The following THEMIS variants were observed in gnomAD, a reference collection of about 807,000 sequenced individuals.
THEMIS encodes the protein thymocyte selection associated.
THEMIS carries 37 observed loss-of-function variants against 52.6 expected under a neutral mutation model. The observed-to-expected ratio is 0.70, with a 90% CI of 0.54 to 0.93. The LOEUF is 0.93. Ranked by LOEUF, THEMIS falls within the 40% of genes least tolerant of loss-of-function variation. The pLI, the probability that THEMIS is intolerant of heterozygous loss-of-function variation, is 0.00. For synonymous variants in THEMIS, 292 were observed against 272.7 expected (o/e 1.07, Z -0.70); for missense variants, 808 against 763.1 (o/e 1.06, Z -0.69).
the THEMIS span, among the ~76,000 whole-genome samples, chr6:127,697,232 A>T: frequency 8.0e-4 from 122 of 152,308 alleles, 1 homozygote; most frequent in East Asian, 0.022. Flanking sequence ...AAATTCTTCA[A>T]GTCATCCTTG....
At chr6:127,898,840 C>T (rs951111719) in intron 1 of THEMIS, among the ~76,000 whole-genome samples, 1 of 151,744 alleles carries the variant, frequency 6.6e-6, no homozygotes, top group Non-Finnish European at 1.5e-5. Flanking sequence ...AACTGAAGGA[C>T]ATTAGGTTAA....
chr6:127,912,361 A>C (rs944880092), intron 1 of THEMIS, among the ~76,000 whole-genome samples: 2 of 152,134 alleles, frequency 1.3e-5, no homozygotes, highest in Admixed American at 6.6e-5. Context: ...GATGAGGCCG[A>C]AACTGCTATT....
chr6:127,873,595 TTAAAA>T (rs1349418787), intron 1 of THEMIS, among the ~76,000 whole-genome samples: 1 of 152,122 alleles, frequency 6.6e-6, no homozygotes, highest in African/African-American at 2.4e-5. Context: ...ATCCATAAAA[TTAAAA>T]TAATTAACCT....
chr6:127,791,472 G>A (rs1209414999), intron 4 of THEMIS, among the ~76,000 whole-genome samples: 1 of 152,156 alleles, frequency 6.6e-6, no homozygotes, highest in African/African-American at 2.4e-5. Flanking sequence ...GGCTTAAGAG[G>A]GGAGAAAGTA....
At chr6:127,792,354 C>T (rs1777187770) in intron 4 of THEMIS, among the ~76,000 whole-genome samples, 1 of 152,102 alleles carries the variant, frequency 6.6e-6, no homozygotes, top group South Asian at 2.1e-4. Flanking sequence ...ACAGGACGGC[C>T]AAGACACTGT....
chr6:127,833,855 A>G (rs1240408352), intron 2 of THEMIS, among the ~76,000 whole-genome samples: 1 of 152,222 alleles, frequency 6.6e-6, no homozygotes, highest in Admixed American at 6.5e-5. Flanking sequence ...CAGTGATAGA[A>G]AAGCCACAAG....
At chr6:127,744,842 T>C (rs565902161) in intron 4 of THEMIS, among the ~76,000 whole-genome samples, 15 of 149,390 alleles carry the variant, frequency 1.0e-4, no homozygotes, top group East Asian at 5.9e-4. Flanking sequence ...TACACACACA[T>C]ACACACACAC....
intron 1 of THEMIS, among the ~76,000 whole-genome samples, chr6:127,908,416 A>T (rs772340944): frequency 6.6e-6 from 1 of 152,156 alleles, no homozygotes; most frequent in African/African-American, 2.4e-5. Context: ...GCAGTCAAGT[A>T]GATGAGCCTG....
chr6:127,798,751 G>C (rs1352244149), intron 4 of THEMIS, among the ~76,000 whole-genome samples: 1 of 152,138 alleles, frequency 6.6e-6, no homozygotes, highest in Non-Finnish European at 1.5e-5. Flanking sequence ...AGCACTTTGG[G>C]AGGCCGAGGC....
intron 1 of THEMIS, among the ~76,000 whole-genome samples, chr6:127,873,873 A>G (rs1780233213): frequency 6.6e-6 from 1 of 152,238 alleles, no homozygotes; most frequent in African/African-American, 2.4e-5. Flanking sequence ...CATTCATAGT[A>G]TTGCATTTAT....
At position 127,829,489 on chromosome 6, in the gene THEMIS, T is replaced by A. The variant is rs779700839; in HGVS notation, c.696A>T (p.Gln232His). The change falls in exon 3 of 6, where the codon CAA (glutamine) becomes CAT (histidine). Residue 232 changes from glutamine to histidine, a missense_variant. Gln to His is a conservative substitution (Grantham distance 24, BLOSUM62 0). Coordinates refer to ENST00000368248, the MANE Select transcript of THEMIS (RefSeq NM_001010923.3). ...GTGGATACTCACATTTCATCACACC[T>A]TGAATTTCATAAACAGGCTTGAGAA... ...TLILKPVYEI[Q>H]GVMKFRKDII... 7.5e-6 allele frequency: 12 copies of A among 1,603,666 alleles called. No individual in the cohort carries two copies. Among genetic ancestry groups the A allele is most frequent in the Non-Finnish European group, 1.0e-5 (12 of 1,175,434 alleles).
intron 1 of THEMIS, among the ~76,000 whole-genome samples, chr6:127,868,099 A>T (rs1780040262): frequency 6.6e-6 from 1 of 152,182 alleles, no homozygotes; most frequent in Non-Finnish European, 1.5e-5. Flanking sequence ...TAGTGCCTCA[A>T]CTTCGTTATC....
At chr6:127,917,419 T>C (rs1359000623) in intron 1 of THEMIS, among the ~76,000 whole-genome samples, 1 of 152,208 alleles carries the variant, frequency 6.6e-6, no homozygotes, top group African/African-American at 2.4e-5. Flanking sequence ...ACAGAATTGA[T>C]AGGATGCTGA....
At chr6:127,887,574 CACAT>C (rs1042759382) in intron 1 of THEMIS, among the ~76,000 whole-genome samples, 1 of 152,134 alleles carries the variant, frequency 6.6e-6, no homozygotes, top group Admixed American at 6.6e-5. Context: ...GAACCACAAA[CACAT>C]ACTAAGTGAG....
At chr6:127,825,963 A>T (rs1410942512) in intron 3 of THEMIS, among the ~76,000 whole-genome samples, 8 of 152,208 alleles carry the variant, frequency 5.3e-5, no homozygotes, top group Non-Finnish European at 1.2e-4. Context: ...TTGAGCAGTG[A>T]ATTGTCACAA....
At chr6:127,894,455 A>G (rs1214831523) in intron 1 of THEMIS, among the ~76,000 whole-genome samples, 1 of 152,002 alleles carries the variant, frequency 6.6e-6, no homozygotes, top group Non-Finnish European at 1.5e-5. Context: ...TTATAATTAG[A>G]TCTGAGGAAT....
chr6:127,738,117 C>T (rs1775069197), intron 4 of THEMIS, among the ~76,000 whole-genome samples: 1 of 152,110 alleles, frequency 6.6e-6, no homozygotes. Context: ...GTCTCATTCT[C>T]TCCCCTCACT....
chr6:127,773,267 G>T (rs1772375207), intron 4 of THEMIS, among the ~76,000 whole-genome samples: 1 of 152,082 alleles, frequency 6.6e-6, no homozygotes, highest in African/African-American at 2.4e-5. Flanking sequence ...TAGAGTACCA[G>T]CTTATTAAAG....
At chr6:127,881,240 G>A (rs1364091243) in intron 1 of THEMIS, among the ~76,000 whole-genome samples, 1 of 151,810 alleles carries the variant, frequency 6.6e-6, no homozygotes, top group East Asian at 1.9e-4. Context: ...TTTTTCTTTA[G>A]TGAATGTTTT....
Sources: allele counts gnomAD v4.1 joint callset (sites outside exome capture counted in the v4.1 genomes callset), GRCh38; gene constraint gnomAD v4.1.1; transcripts MANE v1.5; gene names NCBI Gene and HGNC (gene_info 2026-07-23, HGNC 2026-07-21).